Variants in LOXHD1 observed in about 807,000 individuals in gnomAD.
LOXHD1 encodes lipoxygenase homology domain-containing protein 1.
In LOXHD1, 205 loss-of-function variants were observed where a neutral mutation model predicts 248.2. The ratio of observed to expected loss-of-function variants is 0.83; its 90% CI spans 0.74 to 0.93. LOXHD1 has a LOEUF of 0.93. Among genes scored for constraint, LOXHD1 ranks in the 40% least tolerant of loss-of-function variants. The probability of loss-of-function intolerance (pLI) is 0.00; values close to 1 mark genes in which losing one functional copy is unlikely to be tolerated. For synonymous variants in LOXHD1, 1,113 were observed against 1,162.8 expected (o/e 0.96, Z 0.87); for missense variants, 2,930 against 2,971.6 (o/e 0.99, Z 0.33).
chr18:46,574,134 G>A (rs926318060), intron 14 of LOXHD1, among the ~76,000 whole-genome samples: 1 of 151,996 alleles, frequency 6.6e-6, no homozygotes, highest in Admixed American at 6.5e-5. Flanking sequence ...AATCTTACCT[G>A]TGCTCCCTTC....
intron 29 of LOXHD1, among the ~76,000 whole-genome samples, chr18:46,525,332 G>A (rs1187789602): frequency 6.6e-6 from 1 of 152,162 alleles, no homozygotes; most frequent in Non-Finnish European, 1.5e-5. Context: ...CAACCGGAGG[G>A]CAAAAGCTCT....
chr18:46,647,566 G>A (rs1002749443), intron 2 of LOXHD1, among the ~76,000 whole-genome samples: 2 of 152,206 alleles, frequency 1.3e-5, no homozygotes, highest in Admixed American at 6.5e-5. Flanking sequence ...AAAGAGGATG[G>A]AGGTTTCATG....
Position 46,604,179 on chromosome 18 carries a change from G to T in LOXHD1, c.810C>A (p.Asn270Lys). Residue 270 changes from asparagine to lysine, a missense_variant, in exon 7 of 41, where the codon AAC becomes AAA. By Grantham distance (94) the Asn-to-Lys change is moderately conservative. Transcript: ENST00000642948. ...CGTCTTCGTCCAAGGCCAGCCAGCG[G>T]TTAAGGGGGAAGTCATATTTTCTTT... ...GNKRKYDFPL[N>K]RWLALDEDDG... 2 of 1,551,770 alleles carry T rather than the reference G, an allele frequency of 1.3e-6. No individual in the cohort carries two copies. Among genetic ancestry groups the T allele is most frequent in the Non-Finnish European group, 1.7e-6 (2 of 1,147,010 alleles).
chr18:46,648,683 C>G (rs572921604), intron 2 of LOXHD1, among the ~76,000 whole-genome samples: 1 of 152,330 alleles, frequency 6.6e-6, no homozygotes, highest in South Asian at 2.1e-4. Flanking sequence ...AGCACACACA[C>G]AAGCAATCCC....
At chr18:46,603,349 A>C (rs1465669689) in intron 7 of LOXHD1, among the ~76,000 whole-genome samples, 3 of 152,090 alleles carry the variant, frequency 2.0e-5, no homozygotes, top group Non-Finnish European at 2.9e-5. Flanking sequence ...GTGAATGTGC[A>C]GTGGGAGAGA....
intron 25 of LOXHD1, 41 bp downstream of exon 25, chr18:46,541,735 G>A (rs1407855394): frequency 1.9e-6 from 3 of 1,549,666 alleles, no homozygotes; most frequent in Admixed American, 3.9e-5. Flanking sequence ...CTGGTGATGG[G>A]GCCCCAGAGA....
intron 33 of LOXHD1, among the ~76,000 whole-genome samples, chr18:46,520,142 G>A (rs956062254): frequency 1.3e-5 from 2 of 152,162 alleles, no homozygotes; most frequent in African/African-American, 2.4e-5. Context: ...AAGGATGTGC[G>A]CTATAGAAAG....
chr18:46,557,026 G>A (rs538139273), intron 21 of LOXHD1, among the ~76,000 whole-genome samples: 5 of 139,834 alleles, frequency 3.6e-5, no homozygotes, highest in Admixed American at 7.1e-5. Flanking sequence ...CTTACTTTTC[G>A]ACGTCACAGC....
At chr18:46,505,705 T>C in intron 37 of LOXHD1, 133 bp downstream of exon 37, 1 of 864,200 alleles carries the variant, frequency 1.2e-6, no homozygotes, top group South Asian at 1.7e-5. Context: ...ATCAATGTGG[T>C]GGTCATCAAC....
chr18:46,516,130 T>C (rs757388856), intron 34 of LOXHD1, among the ~76,000 whole-genome samples: 2 of 152,186 alleles, frequency 1.3e-5, no homozygotes, highest in Non-Finnish European at 2.9e-5. Context: ...TGGTCCTCCT[T>C]TATTTCTAGA....
intron 12 of LOXHD1, among the ~76,000 whole-genome samples, chr18:46,582,079 A>C (rs2037974046): frequency 1.3e-5 from 2 of 152,228 alleles, no homozygotes; most frequent in Non-Finnish European, 2.9e-5. Flanking sequence ...ACTTGAAATC[A>C]CCTGATAGAT....
Position 46,509,767 on chromosome 18 carries a change from A to G in LOXHD1, c.5448T>C (p.Ile1816=), listed in dbSNP as rs1483538078. 6.4e-7 allele frequency: 1 copy of G among 1,551,396 alleles called. No homozygotes were observed. The highest frequency in any genetic ancestry group is 8.7e-7 in the Non-Finnish European group (1 of 1,146,934). ...NDTFIMEILD[I]APFTKMRIRI... Reference sequence around the variant, plus strand: ...GGATCCGCATCTTGGTGAATGGAGCAATGTCTAGGATCTCCATGATGAAGG... The same window carrying G: ...GGATCCGCATCTTGGTGAATGGAGCGATGTCTAGGATCTCCATGATGAAGG... The change falls in exon 35 of 41, where the codon ATT becomes ATC. Residue 1816 remains isoleucine, a synonymous_variant. Coordinates refer to ENST00000642948, the MANE Select transcript of LOXHD1 (RefSeq NM_001384474.1).
rs184309258 is a variant in LOXHD1, at chr18:46,631,226, G to C, written c.511+8390C>G. ...AACCTGAGCTTCACTGGAGAAACTG[G>C]AGAGATACACATTAGGAAGTTAGAG... On this transcript the variant is annotated intron_variant, in intron 4 of 40. Coordinates refer to ENST00000642948, the MANE Select transcript of LOXHD1 (RefSeq NM_001384474.1). Among the ~76,000 whole-genome samples the C allele has an allele frequency of 4.6e-5, 7 of 152,248 alleles. 1 individual carries two copies. The East Asian group carries it at 1.4e-3, about 29-fold the overall frequency.
At chr18:46,620,047 G>A (rs2038646475) in intron 4 of LOXHD1, among the ~76,000 whole-genome samples, 1 of 152,222 alleles carries the variant, frequency 6.6e-6, no homozygotes, top group African/African-American at 2.4e-5. Context: ...TTACCTGGCA[G>A]TAACACCTGG....
In LOXHD1 at chr18:46,477,774, CGT is replaced by C; in HGVS notation, c.6518_6519del (p.Asn2173SerfsTer42). On this transcript the variant is annotated frameshift_variant, in exon 41 of 41. Transcript: ENST00000642948. LOFTEE classifies it high-confidence loss of function. ...GYEPGAGTDA[N>X]VFVTIFGANG... is the part of the protein sequence containing the mutation. The stretch of plus-strand genomic sequence containing the variant: ...TTGGCCCCAAAGATGGTCACGAAGA[CGT>C]TGGCATCAGTGCCTGCCCCTGGCTC... 6.4e-7 allele frequency: 1 copy of C among 1,551,896 alleles called. No homozygotes were observed. The highest frequency in any genetic ancestry group is 8.7e-7 in the Non-Finnish European group (1 of 1,147,040).
In LOXHD1 at chr18:46,639,788, G is replaced by T. The variant is rs1319773721; in HGVS notation, c.339C>A (p.Asp113Glu). The T allele has an allele frequency of 1.9e-6, 3 of 1,551,728 alleles. No homozygotes were observed. Among genetic ancestry groups the T allele is most frequent in the Non-Finnish European group, 1.7e-6 (2 of 1,147,008 alleles). ...GLIYKVRIEHDNTGLNASWYL... is the reference protein window; with the variant it reads ...GLIYKVRIEHENTGLNASWYL... ...ACCAGCTGGCATTCAAGCCCGTGTTGTCATGCTCAATCCTGAGGCAGAAGC... is the reference window on the plus strand; with the variant it reads ...ACCAGCTGGCATTCAAGCCCGTGTTTTCATGCTCAATCCTGAGGCAGAAGC... The change falls in exon 4 of 41, where the codon GAC (aspartate) becomes GAA (glutamate). Residue 113 changes from aspartate (D) to glutamate (E), a missense_variant. Physicochemically the swap from Asp to Glu is conservative, Grantham distance 45. Coordinates refer to ENST00000642948, the MANE Select transcript of LOXHD1 (RefSeq NM_001384474.1).
intron 29 of LOXHD1, among the ~76,000 whole-genome samples, chr18:46,526,738 G>A (rs2035848081): frequency 6.6e-6 from 1 of 152,206 alleles, no homozygotes; most frequent in African/African-American, 2.4e-5. Flanking sequence ...GAAGCTGGAG[G>A]GTGGGTTGGA....
chr18:46,491,933 A>G (rs1227122315), intron 37 of LOXHD1, among the ~76,000 whole-genome samples: 2 of 152,168 alleles, frequency 1.3e-5, no homozygotes, highest in Non-Finnish European at 2.9e-5. Context: ...CCTCTCAAAA[A>G]TTGGCATTGT....
Position 46,559,541 on chromosome 18 carries a change from G to T in LOXHD1, c.3123C>A (p.Asn1041Lys), listed in dbSNP as rs778087402. Reference sequence around the variant, plus strand: ...CCTCGCCGTAGATGGTTAGGTAGACGTTAGCATCAGTGCCGGCCTTGGGCA... The same window carrying T: ...CCTCGCCGTAGATGGTTAGGTAGACTTTAGCATCAGTGCCGGCCTTGGGCA... ...GNVPKAGTDA[N>K]VYLTIYGEEY... The change falls in exon 20 of 41, where the codon AAC becomes AAA. Residue 1041 changes from asparagine (N) to lysine (K), a missense_variant. Asn to Lys is a moderately conservative substitution (Grantham distance 94, BLOSUM62 0). Coordinates refer to ENST00000642948, the MANE Select transcript of LOXHD1 (RefSeq NM_001384474.1). 6.4e-7 allele frequency: 1 copy of T among 1,551,852 alleles called. No individual in the cohort carries two copies. The highest frequency in any genetic ancestry group is 2.4e-5 in the East Asian group (1 of 40,928).
Sources: gnomAD v4.1 joint callset for allele counts (sites outside exome capture counted in the v4.1 genomes callset) on GRCh38, gnomAD v4.1.1 for gene constraint, MANE v1.5 for transcripts, NCBI Gene and HGNC (gene_info 2026-07-23, HGNC 2026-07-21) for gene names.